Variants in CDC42SE2 observed in about 807,000 individuals in gnomAD.
CDC42SE2 encodes the protein CDC42 small effector protein 2.
CDC42SE2 carries 3 observed loss-of-function variants against 11.5 expected under a neutral mutation model. The observed-to-expected ratio is 0.26, with a 90% CI of 0.12 to 0.67. The LOEUF is 0.67. Ranked by LOEUF, CDC42SE2 falls within the 30% of genes least tolerant of loss-of-function variation. The pLI is 0.80. For synonymous variants in CDC42SE2, 33 were observed against 34.8 expected (o/e 0.95, Z 0.18); for missense variants, 82 against 106.8 (o/e 0.77, Z 1.02).
intron 1 of CDC42SE2, among the ~76,000 whole-genome samples, chr5:131,294,691 T>C (rs1322930050): frequency 6.6e-6 from 1 of 152,056 alleles, no homozygotes; most frequent in Non-Finnish European, 1.5e-5. Context: ...AGTGAAAGGA[T>C]AATAAAAAGC....
At chr5:131,369,367 A>G (rs945166758) in intron 3 of CDC42SE2, among the ~76,000 whole-genome samples, 6 of 152,196 alleles carry the variant, frequency 3.9e-5, no homozygotes, top group African/African-American at 1.2e-4. Flanking sequence ...ATTATGCACA[A>G]TGCTCTTTTG....
At chr5:131,325,074 A>G (rs1197026004) in intron 2 of CDC42SE2, among the ~76,000 whole-genome samples, 1 of 152,200 alleles carries the variant, frequency 6.6e-6, no homozygotes, top group Non-Finnish European at 1.5e-5. Context: ...TTTAATTATT[A>G]CCTGGTTGTT....
In CDC42SE2 at chr5:131,359,455, G is replaced by T; in HGVS notation, c.-39G>T. On this transcript the variant is annotated 5_prime_UTR_variant, in exon 3 of 5. Coordinates refer to ENST00000505065, the MANE Select transcript of CDC42SE2 (RefSeq NM_001375635.1). Reference sequence around the variant, plus strand: ...TTTGGAACTTCCCGAGTTGAGATTTGGAACCTTCATTGGTGCTCATTTACT... The same window carrying T: ...TTTGGAACTTCCCGAGTTGAGATTTTGAACCTTCATTGGTGCTCATTTACT... The T allele has an allele frequency of 6.5e-7, 1 of 1,547,506 alleles. No individual in the cohort carries two copies. Among genetic ancestry groups the T allele is most frequent in the Non-Finnish European group, 8.9e-7 (1 of 1,119,470 alleles).
At chr5:131,291,419 T>C (rs1405289372) in intron 1 of CDC42SE2, among the ~76,000 whole-genome samples, 2 of 152,208 alleles carry the variant, frequency 1.3e-5, no homozygotes, top group Non-Finnish European at 2.9e-5. Flanking sequence ...TTTATTTTAC[T>C]ATCCACTCGG....
chr5:131,288,107 T>A (rs935418052), intron 1 of CDC42SE2, among the ~76,000 whole-genome samples: 1 of 151,804 alleles, frequency 6.6e-6, no homozygotes, highest in Non-Finnish European at 1.5e-5. Flanking sequence ...TAAATTAGCT[T>A]GGCATGGTGG....
At position 131,391,360 on chromosome 5, in the gene CDC42SE2, CAA is replaced by C. The variant is rs1339458837; in HGVS notation, c.*270_*271del. 1.8e-5 allele frequency: 3 copies of C among 164,774 alleles called. No individual in the cohort carries two copies. The highest frequency in any genetic ancestry group is 7.2e-5 in the African/African-American group (3 of 41,714). The allele number at this position is 164,774 out of a possible 1,614,324, so 10.2% of individuals were successfully genotyped here. On this transcript the variant is annotated 3_prime_UTR_variant, in exon 5 of 5. Transcript: ENST00000505065. Reference sequence around the variant, plus strand: ...AGATGCTTCTTATGTGTCCTTTAAACAAGAGTGAAATCATTATTTTGAGTATT... The same window carrying C: ...AGATGCTTCTTATGTGTCCTTTAAACGAGTGAAATCATTATTTTGAGTATT...
At chr5:131,286,825 C>G (rs1757351670) in intron 1 of CDC42SE2, among the ~76,000 whole-genome samples, 1 of 151,240 alleles carries the variant, frequency 6.6e-6, no homozygotes, top group Non-Finnish European at 1.5e-5. Context: ...ATACTAGATA[C>G]ATGTTAATGG....
chr5:131,309,839 TTTTC>T (rs1456582969), intron 1 of CDC42SE2, among the ~76,000 whole-genome samples: 1 of 152,164 alleles, frequency 6.6e-6, no homozygotes, highest in African/African-American at 2.4e-5. Flanking sequence ...TTCTCTCTTT[TTTTC>T]TTTATTAGTC....
At chr5:131,368,987 G>T (rs1463396586) in intron 3 of CDC42SE2, among the ~76,000 whole-genome samples, 1 of 152,116 alleles carries the variant, frequency 6.6e-6, no homozygotes. Context: ...TAAGAAATAG[G>T]ACATTGCCAG....
intron 2 of CDC42SE2, among the ~76,000 whole-genome samples, chr5:131,339,246 G>GC (rs1554098965): frequency 3.5e-5 from 1 of 28,230 alleles, no homozygotes; most frequent in Non-Finnish European, 7.5e-5. Flanking sequence ...GACTCTGTCT[G>GC]AAAAAAAAAA....
upstream of CDC42SE2, among the ~76,000 whole-genome samples, chr5:131,244,749 A>C (rs1756566643): frequency 6.6e-6 from 1 of 152,170 alleles, no homozygotes; most frequent in Non-Finnish European, 1.5e-5. Flanking sequence ...AATATGCTCC[A>C]AGACCTGTTG....
At chr5:131,352,200 A>G (rs570126410) in intron 2 of CDC42SE2, among the ~76,000 whole-genome samples, 3 of 152,346 alleles carry the variant, frequency 2.0e-5, no homozygotes, top group African/African-American at 7.2e-5. Context: ...AAACTGGTTT[A>G]GAAAACTGGT....
intron 3 of CDC42SE2, among the ~76,000 whole-genome samples, chr5:131,369,939 C>T (rs1749970138): frequency 6.6e-6 from 1 of 152,158 alleles, no homozygotes; most frequent in South Asian, 2.1e-4. Context: ...TAATTTAATT[C>T]AGTGCTTTCT....
intron 1 of CDC42SE2, among the ~76,000 whole-genome samples, chr5:131,264,667 G>C (rs934705717): frequency 1.1e-4 from 17 of 152,276 alleles, no homozygotes; most frequent in African/African-American, 3.8e-4. Flanking sequence ...TCCTGCCGCG[G>C]TTCGCCCCGG....
chr5:131,359,395 G>C lies in CDC42SE2; in HGVS notation c.-99G>C, dbSNP rs1225604915. 2.5e-5 allele frequency: 21 copies of C among 846,526 alleles called. No homozygotes were observed. Among genetic ancestry groups the C allele is most frequent in the Non-Finnish European group, 4.1e-5 (20 of 483,286 alleles). 52.4% of individuals were successfully genotyped at this position (846,526 alleles called of 1,614,324 possible). ...GGTGAAATAATAAAATTTCATCTTG[G>C]CATCACTGGACATCATCGTATTGAG... On this transcript the variant is annotated 5_prime_UTR_variant, in exon 3 of 5. Transcript: ENST00000505065.
chr5:131,307,321 G>GT (rs1331069257), intron 1 of CDC42SE2, among the ~76,000 whole-genome samples: 2 of 149,356 alleles, frequency 1.3e-5, no homozygotes, highest in East Asian at 2.0e-4. Context: ...GCGGTGTTTG[G>GT]TTTTTTGTTC....
chr5:131,293,088 T>C (rs1335931956), intron 1 of CDC42SE2, among the ~76,000 whole-genome samples: 1 of 152,150 alleles, frequency 6.6e-6, no homozygotes, highest in Admixed American at 6.6e-5. Context: ...TATTTGCGTC[T>C]CTCTTCCCCA....
chr5:131,237,907 T>C, the CDC42SE2 span, among the ~76,000 whole-genome samples: 1 of 152,198 alleles, frequency 6.6e-6, no homozygotes, highest in Non-Finnish European at 1.5e-5. Flanking sequence ...TTACTTGTAT[T>C]TATTCTTTTC....
intron 1 of CDC42SE2, among the ~76,000 whole-genome samples, chr5:131,267,954 A>G (rs1756905145): frequency 6.6e-6 from 1 of 150,594 alleles, no homozygotes; most frequent in African/African-American, 2.4e-5. Context: ...TTTATTGAAT[A>G]TTTAATGTTA....
Sources: gnomAD v4.1 joint callset for allele counts (sites outside exome capture counted in the v4.1 genomes callset) on GRCh38, gnomAD v4.1.1 for gene constraint, MANE v1.5 for transcripts, NCBI Gene and HGNC (gene_info 2026-07-23, HGNC 2026-07-21) for gene names.